GAS7: variants seen among roughly 807,000 people sequenced by gnomAD.
GAS7 encodes the protein growth arrest-specific protein 7.
Under a neutral mutation model 71.1 loss-of-function variants are expected in GAS7, and 28 were observed. The ratio of observed to expected loss-of-function variants is 0.39; its 90% CI spans 0.29 to 0.54. The LOEUF (loss-of-function observed/expected upper bound fraction) is 0.54, where lower values mean the gene tolerates loss of function less well. Among genes scored for constraint, GAS7 ranks in the 20% least tolerant of loss-of-function variants. The probability of loss-of-function intolerance (pLI) is 0.62; values close to 1 mark genes in which losing one functional copy is unlikely to be tolerated. For synonymous variants in GAS7, 258 were observed against 245.8 expected (o/e 1.05, Z -0.46); for missense variants, 436 against 627.8 (o/e 0.69, Z 3.27).
chr17:10,095,304 T>A (rs1437852071), intron 1 of GAS7, among the ~76,000 whole-genome samples: 1 of 152,196 alleles, frequency 6.6e-6, no homozygotes, highest in Non-Finnish European at 1.5e-5. Context: ...GTAAACTCCA[T>A]GAAGCTTTCT....
chr17:10,180,042 A>G (rs1363385053), intron 1 of GAS7, among the ~76,000 whole-genome samples: 1 of 152,046 alleles, frequency 6.6e-6, no homozygotes, highest in Non-Finnish European at 1.5e-5. Flanking sequence ...TTCCCACTTA[A>G]AGATACGGAA....
chr17:9,951,843 CAGG>C (rs112553870), intron 5 of GAS7, among the ~76,000 whole-genome samples: 5 of 150,482 alleles, frequency 3.3e-5, no homozygotes, highest in Non-Finnish European at 7.4e-5. Context: ...GTGGGGCAGG[CAGG>C]AGGAGAAATG....
rs2067518252 is a variant in GAS7 at position 9,914,198 on chromosome 17, C to G, written c.*3030G>C. On this transcript the variant is annotated 3_prime_UTR_variant, in exon 14 of 14. Transcript: ENST00000432992. ...CAATTTCATAGCCTCACTGGTTACC[C>G]TTGAGCTTCACTTTCCTATTTGCAA... is the stretch of plus-strand genomic sequence containing the variant. 4.6e-6 allele frequency: 1 copy of G among 218,636 alleles called. No individual in the cohort carries two copies. The highest frequency in any genetic ancestry group is 9.2e-6 in the Non-Finnish European group (1 of 108,858). 13.5% of individuals were successfully genotyped at this position (218,636 alleles called of 1,614,324 possible). A position where few individuals can be genotyped will look rare whatever the true frequency, so the allele number is the denominator to read the frequency against.
At chr17:10,088,072 T>G (rs1204770567) in intron 1 of GAS7, among the ~76,000 whole-genome samples, 1 of 151,710 alleles carries the variant, frequency 6.6e-6, no homozygotes. Flanking sequence ...AACACAAAAA[T>G]TAGCCAGGCA....
chr17:10,110,033 G>A (rs118034918), intron 1 of GAS7, among the ~76,000 whole-genome samples: 6,223 of 134,072 alleles, frequency 0.046, 189 homozygotes, highest in Non-Finnish European at 0.064. Flanking sequence ...CAGCCTGGGC[G>A]ACACAGCAAG....
chr17:9,988,958 C>T (rs2152139885), intron 2 of GAS7, among the ~76,000 whole-genome samples: 1 of 151,634 alleles, frequency 6.6e-6, no homozygotes, highest in East Asian at 2.0e-4. Context: ...CCGCCATTCT[C>T]CTGCCTCAGC....
chr17:9,912,294 C>T lies in GAS7; in HGVS notation c.*4934G>A. ...AGATGAGAGCCAGACACAGCATGAA[C>T]ACGTGTACAGGGTACATCATTGGAA... On this transcript the variant is annotated 3_prime_UTR_variant, in exon 14 of 14. Transcript: ENST00000432992. The T allele has an allele frequency of 4.3e-6, 1 of 233,004 alleles. No homozygotes were observed. The highest frequency in any genetic ancestry group is 5.6e-5 in the Admixed American group (1 of 17,792). The allele number at this position is 233,004 out of a possible 1,614,324, so 14.4% of individuals were successfully genotyped here. A position where few individuals can be genotyped will look rare whatever the true frequency, so the allele number is the denominator to read the frequency against.
chr17:9,969,529 C>T lies in GAS7; in HGVS notation c.471+148G>A. 1.0e-5 allele frequency: 6 copies of T among 598,876 alleles called. No individual in the cohort carries two copies. Among genetic ancestry groups the T allele is most frequent in the South Asian group, 4.0e-5 (2 of 49,556 alleles). 37.1% of individuals were successfully genotyped at this position (598,876 alleles called of 1,614,324 possible). A position where few individuals can be genotyped will look rare whatever the true frequency, so the allele number is the denominator to read the frequency against. On this transcript the variant is annotated intron_variant, in intron 4 of 13. Coordinates refer to ENST00000432992, the MANE Select transcript of GAS7 (RefSeq NM_201433.2). The surrounding 1 kb of genome is among the most constrained non-coding windows in gnomAD (Gnocchi z 5.5). ...CCAACCCTCTCCCCATCAGGGAACACTGAAACAACCCAGACACAGCAACCA... is the reference window on the plus strand; with the variant it reads ...CCAACCCTCTCCCCATCAGGGAACATTGAAACAACCCAGACACAGCAACCA...
chr17:10,119,109 C>G (rs971834670), intron 1 of GAS7, among the ~76,000 whole-genome samples: 1 of 152,122 alleles, frequency 6.6e-6, no homozygotes, highest in Non-Finnish European at 1.5e-5. Flanking sequence ...CCTGGAGTGA[C>G]GGCTCCAGCA....
intron 1 of GAS7, among the ~76,000 whole-genome samples, chr17:10,122,010 C>T (rs944033407): frequency 6.6e-6 from 1 of 152,172 alleles, no homozygotes; most frequent in African/African-American, 2.4e-5. Context: ...GGCACTGAGG[C>T]ACAATCCGAA....
Position 9,911,567 on chromosome 17 carries a change from T to C in GAS7, c.*5661A>G, listed in dbSNP as rs1286914651. ...CATTTAGAACGTGGGGAGAAGCGAA[T>C]TGGTTTTTGCCCTCTGTCTGATTCT... On this transcript the variant is annotated 3_prime_UTR_variant, in exon 14 of 14. Transcript: ENST00000432992. This position sits in a 1 kb window ranked among gnomAD's most constrained non-coding sequence, Gnocchi z 4.0. 1.3e-5 allele frequency: 3 copies of C among 232,988 alleles called. No homozygotes were observed. The highest frequency in any genetic ancestry group is 4.4e-5 in the African/African-American group (2 of 45,280). The allele number at this position is 232,988 out of a possible 1,614,324, so 14.4% of individuals were successfully genotyped here. A position where few individuals can be genotyped will look rare whatever the true frequency, so the allele number is the denominator to read the frequency against.
At chr17:9,942,055 C>G (rs1425738185) in intron 7 of GAS7, among the ~76,000 whole-genome samples, 1 of 152,082 alleles carries the variant, frequency 6.6e-6, no homozygotes, top group Non-Finnish European at 1.5e-5. Flanking sequence ...GAGTTCGAGA[C>G]CAGCCTGGCC....
intron 1 of GAS7, among the ~76,000 whole-genome samples, chr17:10,138,275 T>C (rs1356697101): frequency 6.6e-6 from 1 of 152,178 alleles, no homozygotes; most frequent in African/African-American, 2.4e-5. Flanking sequence ...AAAGTTCTTT[T>C]ACAGATGTGA....
At chr17:10,100,385 A>G (rs1447638197) in intron 1 of GAS7, among the ~76,000 whole-genome samples, 1 of 152,070 alleles carries the variant, frequency 6.6e-6, no homozygotes, top group Non-Finnish European at 1.5e-5. Context: ...ACAGAATGCC[A>G]CTTCCCAGAG....
intron 1 of GAS7, among the ~76,000 whole-genome samples, chr17:10,102,205 TAAAAAAAAAAA>T (rs34961542): frequency 5.0e-4 from 35 of 70,272 alleles, no homozygotes; most frequent in African/African-American, 2.1e-3. Context: ...AGAGTGCCCG[TAAAAAAAAAAA>T]AAAAAAAAAA....
intron 1 of GAS7, among the ~76,000 whole-genome samples, chr17:10,166,011 C>CT (rs11356429): frequency 0.26 from 37,543 of 143,016 alleles, 4,882 homozygotes; most frequent in Middle Eastern, 0.29. Context: ...TTTTCTTTTT[C>CT]TTTTTTTTTT....
intron 1 of GAS7, among the ~76,000 whole-genome samples, chr17:10,191,066 C>T (rs950024250): frequency 4.0e-5 from 6 of 151,700 alleles, no homozygotes; most frequent in African/African-American, 1.5e-4. Flanking sequence ...TCCCAGCTAC[C>T]CAGGAGGCTG....
chr17:10,139,930 CAG>C (rs1373936213), intron 1 of GAS7, among the ~76,000 whole-genome samples: 1 of 152,208 alleles, frequency 6.6e-6, no homozygotes, highest in Non-Finnish European at 1.5e-5. Context: ...GTCCATGACA[CAG>C]GGCCCCAGAT....
At chr17:10,140,434 G>C (rs2074071021) in intron 1 of GAS7, among the ~76,000 whole-genome samples, 1 of 152,138 alleles carries the variant, frequency 6.6e-6, no homozygotes, top group Non-Finnish European at 1.5e-5. Flanking sequence ...ACTCCAGCCT[G>C]GGTGACAGGG....
Sources: allele counts gnomAD v4.1 joint callset (sites outside exome capture counted in the v4.1 genomes callset), GRCh38; gene constraint gnomAD v4.1.1; non-coding constraint Gnocchi (gnomAD v3.1); transcripts MANE v1.5; gene names NCBI Gene and HGNC (gene_info 2026-07-23, HGNC 2026-07-21).